The following SLC30A10 variants were observed in gnomAD, a reference collection of about 807,000 sequenced individuals.
SLC30A10 encodes solute carrier family 30 member 10.
A neutral mutation model predicts 21.7 loss-of-function variants in SLC30A10; 8 were observed. The ratio of observed to expected loss-of-function variants is 0.37; its 90% confidence interval spans 0.22 to 0.67. The LOEUF (loss-of-function observed/expected upper bound fraction) is 0.67, where lower values mean the gene tolerates loss of function less well. Among genes scored for constraint, SLC30A10 ranks in the 30% least tolerant of loss-of-function variants. The probability of loss-of-function intolerance (pLI) is 0.58; values close to 1 mark genes in which losing one functional copy is unlikely to be tolerated. For synonymous variants in SLC30A10, 272 were observed against 279.4 expected, an observed-to-expected ratio of 0.97 and a Z score of 0.26; for missense variants, 521 against 642.5, an observed-to-expected ratio of 0.81 and a Z score of 2.04.
intron 2 of SLC30A10, among the ~76,000 whole-genome samples, chr1:219,922,176 G>T (rs12048153): frequency 0.04 from 1,471 of 36,416 alleles, 48 homozygotes; most frequent in Middle Eastern, 0.15. Flanking sequence ...GTGTGTGTGT[G>T]TTTTTTTTTT....
chr1:219,930,735 AAAAT>A (rs1016540079), upstream of SLC30A10, among the ~76,000 whole-genome samples: 1 of 152,248 alleles, frequency 6.6e-6, no homozygotes, highest in African/African-American at 2.4e-5. Context: ...AATCAACATA[AAAAT>A]AATCAATAAT....
At position 219,912,513 on chromosome 1, in the gene SLC30A10, C is replaced by T. The variant is rs1285958299; in HGVS notation, c.*2936G>A. On this transcript the variant is annotated 3_prime_UTR_variant, in exon 4 of 4. Transcript: ENST00000366926. ...AGGACAACTGGTCCCTGAGCTGACA[C>T]ACAAAATATGCCGTAGACTTTAAAA... Among the ~76,000 whole-genome samples the T allele has an allele frequency of 3.9e-5, 6 of 152,100 alleles. No individual in the cohort carries two copies. The highest frequency in any genetic ancestry group is 4.1e-4 in the South Asian group (2 of 4,826).
chr1:219,917,961 C>T (rs1659586100), intron 3 of SLC30A10, among the ~76,000 whole-genome samples: 1 of 152,128 alleles, frequency 6.6e-6, no homozygotes, highest in Non-Finnish European at 1.5e-5. Flanking sequence ...GACTCACCCA[C>T]CTCTGCCTCC....
rs1659590708 is a variant in SLC30A10, at chr1:219,918,131, C to T, written c.958+124G>A. ...TATAAAACATATGATGACATCTCTA[C>T]CACCTGGTGATTTAAGGTGTTTCAG... On this transcript the variant is annotated intron_variant, in intron 3 of 3. Transcript: ENST00000366926. This position sits in a 1 kb window ranked among gnomAD's most constrained non-coding sequence, Gnocchi z 4.4. 7.9e-7 allele frequency: 1 copy of T among 1,268,776 alleles called. No individual in the cohort carries two copies. The highest frequency in any genetic ancestry group is 2.1e-5 in the Admixed American group (1 of 47,064). The allele number at this position is 1,268,776 out of a possible 1,614,324, so 78.6% of individuals were successfully genotyped here. A position where few individuals can be genotyped will look rare whatever the true frequency, so the allele number is the denominator to read the frequency against.
At chr1:219,923,680 G>T (rs1659749815) in intron 2 of SLC30A10, among the ~76,000 whole-genome samples, 1 of 152,172 alleles carries the variant, frequency 6.6e-6, no homozygotes, top group Admixed American at 6.5e-5. Flanking sequence ...AAATAAAATT[G>T]ACCACTACAA....
At chr1:219,930,731 C>T (rs1659958953), upstream of SLC30A10, among the ~76,000 whole-genome samples, 1 of 152,010 alleles carries the variant, frequency 6.6e-6, no homozygotes, top group African/African-American at 2.4e-5. Context: ...TAAAAATCAA[C>T]ATAAAAATAA....
intron 1 of SLC30A10, among the ~76,000 whole-genome samples, chr1:219,951,251 G>A (rs927934803): frequency 1.5e-4 from 23 of 151,458 alleles, no homozygotes; most frequent in Middle Eastern, 3.4e-3. Context: ...GTGAGCCACC[G>A]CCCCTGGCTG....
At chr1:219,953,325 G>A (rs548904465) in intron 1 of SLC30A10, among the ~76,000 whole-genome samples, 2 of 152,250 alleles carry the variant, frequency 1.3e-5, no homozygotes, top group South Asian at 4.1e-4. Context: ...GGCCGGGCAC[G>A]GTGGCTCATG....
intron 1 of SLC30A10, among the ~76,000 whole-genome samples, chr1:219,953,642 C>T (rs1660303828): frequency 1.3e-5 from 2 of 151,014 alleles, no homozygotes; most frequent in African/African-American, 4.9e-5. Context: ...GAAAAGCTAC[C>T]TTCAATTATG....
Position 219,950,808 on chromosome 1 carries a change from C to T in SLC30A10, n.80+7760G>A, listed in dbSNP as rs989679946. Among the ~76,000 whole-genome samples, 68 of 151,796 alleles carry T rather than the reference C, an allele frequency of 4.5e-4. 1 individual carries two copies. The highest frequency in any genetic ancestry group is 4.3e-3 in the Admixed American group (65 of 15,236). On this transcript the variant is annotated intron_variant and non_coding_transcript_variant, in intron 1 of 8. Coordinates refer to the SLC30A10 transcript ENST00000484239. ...CTAAAAAACACAAAAATTAGCCAGG[C>T]GTGGTGGCGGGCGCCTGTAATCCCA...
chr1:219,952,803 T>A (rs1660288727), intron 1 of SLC30A10, among the ~76,000 whole-genome samples: 1 of 152,150 alleles, frequency 6.6e-6, no homozygotes, highest in South Asian at 2.1e-4. Flanking sequence ...GAAAAAAAAA[T>A]TACTAAGAAC....
At chr1:219,924,714 A>G (rs565925292) in intron 2 of SLC30A10, among the ~76,000 whole-genome samples, 1 of 152,366 alleles carries the variant, frequency 6.6e-6, no homozygotes, top group African/African-American at 2.4e-5. Flanking sequence ...TGTGACTACC[A>G]GTTCACTCAT....
At chr1:219,953,715 T>TTTTA (rs1660305303) in intron 1 of SLC30A10, among the ~76,000 whole-genome samples, 1 of 148,576 alleles carries the variant, frequency 6.7e-6, no homozygotes, top group African/African-American at 2.5e-5. Context: ...TTTTATTTTA[T>TTTTA]TTTATTTTTG....
chr1:219,928,007 A>G lies in SLC30A10; in HGVS notation c.434T>C (p.Leu145Pro). 1 of 1,564,402 alleles carries G rather than the reference A, an allele frequency of 6.4e-7. No individual in the cohort carries two copies. The highest frequency in any genetic ancestry group is 1.4e-5 in the African/African-American group (1 of 73,024). Residue 145 changes from leucine (L) to proline (P), a missense_variant, in exon 1 of 4, where the codon CTC becomes CCC. Coordinates refer to ENST00000366926, the MANE Select transcript of SLC30A10 (RefSeq NM_018713.3). This position sits in a 1 kb window ranked among gnomAD's most constrained non-coding sequence, Gnocchi z 6.3. ...QDCAAWFACC[L>P]RGRSRRLQQR... Reference sequence around the variant, plus strand: ...CTGCAGGCGGCGACTGCGTCCCCGGAGGCAGCACGCGAACCAGGCGGCGCA... The same window carrying G: ...CTGCAGGCGGCGACTGCGTCCCCGGGGGCAGCACGCGAACCAGGCGGCGCA...
intron 1 of SLC30A10, 104 bp downstream of exon 1, chr1:219,927,697 A>G (rs1558254281): frequency 1.8e-6 from 2 of 1,086,596 alleles, no homozygotes; most frequent in Non-Finnish European, 1.2e-6. Flanking sequence ...AAAAACAGAA[A>G]AAAAGCATGC....
rs1293039736 is a variant in SLC30A10 at position 219,913,059 on chromosome 1, T to C, written c.*2390A>G. On this transcript the variant is annotated 3_prime_UTR_variant, in exon 4 of 4. Transcript: ENST00000366926. ...GGAAAAAGAAAACTCTTGTATTTCCTTGGGAGAATTAAAAGGCAGGACAAT... is the reference window on the plus strand; with the variant it reads ...GGAAAAAGAAAACTCTTGTATTTCCCTGGGAGAATTAAAAGGCAGGACAAT... Among the ~76,000 whole-genome samples, 1 of 152,240 alleles carries C rather than the reference T, an allele frequency of 6.6e-6. No homozygotes were observed. Among genetic ancestry groups the C allele is most frequent in the Non-Finnish European group, 1.5e-5 (1 of 68,048 alleles).
At chr1:219,932,129 T>C (rs1420985375), upstream of SLC30A10, among the ~76,000 whole-genome samples, 1 of 151,362 alleles carries the variant, frequency 6.6e-6, no homozygotes, top group African/African-American at 2.4e-5. Context: ...AATAGCGTGA[T>C]CTCAGCTCAT....
At chr1:219,942,028 T>G (rs1330850895) in intron 1 of SLC30A10, among the ~76,000 whole-genome samples, 1 of 152,186 alleles carries the variant, frequency 6.6e-6, no homozygotes, top group Non-Finnish European at 1.5e-5. Context: ...CCTTTCTGAG[T>G]CTCTGCTGTG....
intron 3 of SLC30A10, among the ~76,000 whole-genome samples, chr1:219,917,067 C>T (rs115867723): frequency 6.6e-6 from 1 of 150,580 alleles, no homozygotes; most frequent in Non-Finnish European, 1.5e-5. Flanking sequence ...AACTCCAGGG[C>T]TCCAGTGATC....
Sources: allele counts gnomAD v4.1 joint callset (sites outside exome capture counted in the v4.1 genomes callset), GRCh38; gene constraint gnomAD v4.1.1; non-coding constraint Gnocchi (gnomAD v3.1); transcripts MANE v1.5; gene names NCBI Gene and HGNC (gene_info 2026-07-23, HGNC 2026-07-21).